The following ZNF33A variants were observed in gnomAD, a reference collection of about 807,000 sequenced individuals.
ZNF33A encodes brain my041 protein.
A neutral mutation model predicts 15.9 loss-of-function variants in ZNF33A; 9 were observed. The ratio of observed to expected loss-of-function variants is 0.57; its 90% CI spans 0.34 to 0.99. The LOEUF is 0.99. ZNF33A is among the 50% of genes least tolerant of loss of function. The pLI, the probability that ZNF33A is intolerant of heterozygous loss-of-function variation, is 0.02. For synonymous variants in ZNF33A, 294 were observed against 324.2 expected (o/e 0.91, Z 1.00); for missense variants, 843 against 941.6 (o/e 0.90, Z 1.37).
chr10:38,052,872 T>C (rs2066270521), intron 4 of ZNF33A, among the ~76,000 whole-genome samples: 1 of 152,116 alleles, frequency 6.6e-6, no homozygotes, highest in South Asian at 2.1e-4. Flanking sequence ...TTTGAATATG[T>C]GGATCAGGTC....
chr10:38,020,636 C>T (rs541424610), intron 4 of ZNF33A, among the ~76,000 whole-genome samples: 10 of 152,230 alleles, frequency 6.6e-5, no homozygotes, highest in South Asian at 6.2e-4. Context: ...CTTCCATTTC[C>T]GTCTAGGTTG....
intron 4 of ZNF33A, among the ~76,000 whole-genome samples, chr10:38,038,020 T>A (rs2065527872): frequency 6.6e-6 from 1 of 152,234 alleles, no homozygotes; most frequent in Non-Finnish European, 1.5e-5. Context: ...TTAGGCTGTC[T>A]TTAATTTCTT....
At position 38,014,035 on chromosome 10, in the gene ZNF33A, A is replaced by ATTTTTT. The variant is rs10658326; in HGVS notation, c.9+1708_9+1713dup. On this transcript the variant is annotated intron_variant, in intron 2 of 4. Coordinates refer to ENST00000432900, the MANE Select transcript of ZNF33A (RefSeq NM_006954.2). ...AAAGCCCCAAATTTAATGATGTCTG[A>ATTTTTT]TTTTTTTTTTTTTTTTTTTTTTTTT... 4.9e-4 allele frequency among the ~76,000 whole-genome samples: 39 copies of ATTTTTT among 80,380 alleles called. 5 individuals are homozygous for ATTTTTT. Among genetic ancestry groups the ATTTTTT allele is most frequent in the African/African-American group, 1.1e-3 (20 of 18,084 alleles). 52.7% of individuals were successfully genotyped at this position (80,380 alleles called of 152,430 possible). A position where few individuals can be genotyped will look rare whatever the true frequency, so the allele number is the denominator to read the frequency against.
chr10:38,052,763 A>G (rs1304017953), intron 4 of ZNF33A, among the ~76,000 whole-genome samples: 1 of 152,060 alleles, frequency 6.6e-6, no homozygotes, highest in Non-Finnish European at 1.5e-5. Context: ...CTTTTTGTCC[A>G]GAGTACTTTT....
rs752847498 is a variant in ZNF33A at position 38,017,267 on chromosome 10, T to A, written c.155-24T>A. The A allele has an allele frequency of 3.7e-6, 6 of 1,608,848 alleles. No individual in the cohort carries two copies. In the South Asian group the frequency reaches 6.6e-5, roughly 18 times the overall value. On this transcript the variant is annotated intron_variant, in intron 3 of 4. Coordinates refer to ENST00000432900, the MANE Select transcript of ZNF33A (RefSeq NM_006954.2). ...TGAAGTCTAGACTGCTTGGTCCAAATCCTAAATTATTTCCTGTTAACAGGG... is the reference window on the plus strand; with the variant it reads ...TGAAGTCTAGACTGCTTGGTCCAAAACCTAAATTATTTCCTGTTAACAGGG...
At chr10:38,034,242 C>T (rs2065341673) in intron 4 of ZNF33A, among the ~76,000 whole-genome samples, 1 of 152,256 alleles carries the variant, frequency 6.6e-6, no homozygotes, top group South Asian at 2.1e-4. Flanking sequence ...TATTTAGCAC[C>T]TGCTGATTTT....
intron 4 of ZNF33A, among the ~76,000 whole-genome samples, chr10:38,037,822 C>T (rs1296327138): frequency 2.0e-5 from 3 of 152,122 alleles, no homozygotes; most frequent in African/African-American, 7.2e-5. Context: ...TAACTTTCTA[C>T]TTCTTTTTTA....
intron 2 of ZNF33A, 144 bp from the exon 3 acceptor site, chr10:38,016,727 C>G: frequency 1.1e-6 from 1 of 919,102 alleles, no homozygotes; most frequent in Non-Finnish European, 1.6e-6. Flanking sequence ...GAATTAATAT[C>G]TTAATGCATT....
Position 38,054,598 on chromosome 10 carries a change from T to C in ZNF33A, c.474T>C (p.Ser158=), listed in dbSNP as rs746393127. ...ACACTGTTTCAGAATTGGTTATCAG[T>C]AAGATAAACTATTTAGGAAAAAAGT... is the stretch of plus-strand genomic sequence containing the variant. ...SFNTVSELVI[S]KINYLGKKSD... is the part of the protein sequence containing the mutation. The change falls in exon 5 of 5, where the codon AGT becomes AGC. Residue 158 remains serine (S), a synonymous_variant. Coordinates refer to ENST00000432900, the MANE Select transcript of ZNF33A (RefSeq NM_006954.2). The C allele has an allele frequency of 2.5e-6, 4 of 1,611,830 alleles. No homozygotes were observed. In the South Asian group the frequency reaches 4.4e-5, roughly 18 times the overall value.
rs1310335314 is a variant in ZNF33A at position 38,017,222 on chromosome 10, T to A, written c.155-69T>A. On this transcript the variant is annotated intron_variant, in intron 3 of 4. Coordinates refer to ENST00000432900, the MANE Select transcript of ZNF33A (RefSeq NM_006954.2). Reference sequence around the variant, plus strand: ...GGCAACTCGAAGCAGCCCCAGAAGCTTCTTCCTGCTTCAAAGGCCTGAAGT... The same window carrying A: ...GGCAACTCGAAGCAGCCCCAGAAGCATCTTCCTGCTTCAAAGGCCTGAAGT... The A allele has an allele frequency of 1.0e-5, 15 of 1,483,000 alleles. No homozygotes were observed. In the East Asian group the frequency reaches 3.2e-4, roughly 31 times the overall value. The allele number at this position is 1,483,000 out of a possible 1,614,324, so 91.9% of individuals were successfully genotyped here. A position where few individuals can be genotyped will look rare whatever the true frequency, so the allele number is the denominator to read the frequency against.
chr10:38,018,966 G>A (rs1205357628), intron 4 of ZNF33A, among the ~76,000 whole-genome samples: 1 of 151,266 alleles, frequency 6.6e-6, no homozygotes, highest in Admixed American at 6.6e-5. Flanking sequence ...ATTTGAGCTT[G>A]TGATAATTTT....
Position 38,047,624 on chromosome 10 carries a change from C to CA in ZNF33A, c.251-6711dup, listed in dbSNP as rs554054575. The stretch of plus-strand genomic sequence containing the variant: ...CTGGCGATAGAGCAAGACTCTGTCT[C>CA]AAAAAAAAAAAAAAAAAAAAAAAAA... On this transcript the variant is annotated intron_variant, in intron 4 of 4. Coordinates refer to ENST00000432900, the MANE Select transcript of ZNF33A (RefSeq NM_006954.2). Among the ~76,000 whole-genome samples the CA allele has an allele frequency of 9.6e-4, 72 of 75,002 alleles. 6 individuals carry two copies. Among genetic ancestry groups the CA allele is most frequent in the Non-Finnish European group, 1.4e-3 (57 of 39,348 alleles). The allele number at this position is 75,002 out of a possible 152,430, so 49.2% of individuals were successfully genotyped here. A position where few individuals can be genotyped will look rare whatever the true frequency, so the allele number is the denominator to read the frequency against.
rs199773627 is a variant in ZNF33A, at chr10:38,010,770, G to A, written c.-58G>A. On this transcript the variant is annotated 5_prime_UTR_variant, in exon 1 of 5. Coordinates refer to ENST00000432900, the MANE Select transcript of ZNF33A (RefSeq NM_006954.2). ...CGCTTTTCTATGGCGAATGCAACCCGACGAGGGAGTGGGGTAAGCCCCAGT... is the reference window on the plus strand; with the variant it reads ...CGCTTTTCTATGGCGAATGCAACCCAACGAGGGAGTGGGGTAAGCCCCAGT... 1 of 1,598,460 alleles carries A rather than the reference G, an allele frequency of 6.3e-7. No individual in the cohort carries two copies. The highest frequency in any genetic ancestry group is 1.1e-5 in the South Asian group (1 of 91,090).
chr10:38,011,094 G>T lies in ZNF33A; in HGVS notation c.-45+311G>T, dbSNP rs902953174. 4.6e-5 allele frequency among the ~76,000 whole-genome samples: 7 copies of T among 152,234 alleles called. No homozygotes were observed. In the East Asian group the frequency reaches 1.2e-3, roughly 25 times the overall value. ...CAGTTCTCTTGTCTAGCCTGTGCGC[G>T]TGTGCTAGGGCGCCGCGGTACGTGG... is the stretch of plus-strand genomic sequence containing the variant. On this transcript the variant is annotated intron_variant, in intron 1 of 4. Coordinates refer to ENST00000432900, the MANE Select transcript of ZNF33A (RefSeq NM_006954.2).
intron 4 of ZNF33A, among the ~76,000 whole-genome samples, chr10:38,034,322 T>A (rs1317834532): frequency 6.6e-6 from 1 of 152,192 alleles, no homozygotes; most frequent in Non-Finnish European, 1.5e-5. Flanking sequence ...TCATGTCTCT[T>A]TAGGCTCCTC....
chr10:38,012,903 G>T lies in ZNF33A; in HGVS notation c.9+553G>T, dbSNP rs575173775. On this transcript the variant is annotated intron_variant, in intron 2 of 4. Coordinates refer to ENST00000432900, the MANE Select transcript of ZNF33A (RefSeq NM_006954.2). ...GAAAGGAAGACACTGGATACAGACA[G>T]ACTGACTCCTCTGAAGGCACAAAGA... Among the ~76,000 whole-genome samples the T allele has an allele frequency of 2.2e-4, 33 of 152,276 alleles. No homozygotes were observed. The South Asian group carries it at 6.8e-3, about 32-fold the overall frequency.
At chr10:38,013,544 C>T (rs554216728) in intron 2 of ZNF33A, among the ~76,000 whole-genome samples, 8 of 150,954 alleles carry the variant, frequency 5.3e-5, no homozygotes, top group East Asian at 2.0e-4. Context: ...TCTCCTGCCT[C>T]GACTCCTTGG....
At chr10:38,017,589 T>G (rs185128337) in intron 4 of ZNF33A, 15 of 410,110 alleles carry the variant, frequency 3.7e-5, no homozygotes, top group Non-Finnish European at 6.6e-5. Flanking sequence ...AATCGTTTTT[T>G]GAATGTTTAC....
chr10:38,015,326 T>G (rs2064400136), intron 2 of ZNF33A, among the ~76,000 whole-genome samples: 1 of 152,170 alleles, frequency 6.6e-6, no homozygotes, highest in East Asian at 1.9e-4. Flanking sequence ...TTTTTTGAGT[T>G]GGAGTTTTGC....
Sources: gnomAD v4.1 joint callset for allele counts (sites outside exome capture counted in the v4.1 genomes callset) on GRCh38, gnomAD v4.1.1 for gene constraint, MANE v1.5 for transcripts, NCBI Gene and HGNC (gene_info 2026-07-23, HGNC 2026-07-21) for gene names.